Variants in PLCL1 observed in about 807,000 individuals in gnomAD.
PLCL1 encodes inactive phospholipase C-like protein 1.
PLCL1 carries 41 observed loss-of-function variants against 84.4 expected under a neutral mutation model. The ratio of observed to expected loss-of-function variants is 0.49; its 90% CI spans 0.38 to 0.63. PLCL1 has a LOEUF of 0.63. Ranked by LOEUF, PLCL1 falls within the 30% of genes least tolerant of loss-of-function variation. The pLI, the probability that PLCL1 is intolerant of heterozygous loss-of-function variation, is 0.00. For missense variants in PLCL1, 1,206 were observed against 1,367.8 expected, an observed-to-expected ratio of 0.88 and a Z score of 1.87; for synonymous variants, 490 against 488.3, an observed-to-expected ratio of 1.00 and a Z score of -0.05.
At chr2:197,851,739 TA>T (rs1687243259) in intron 1 of PLCL1, among the ~76,000 whole-genome samples, 1 of 152,210 alleles carries the variant, frequency 6.6e-6, no homozygotes, top group Non-Finnish European at 1.5e-5. Context: ...ATAGGCATGT[TA>T]GAGGAGACCA....
intron 1 of PLCL1, among the ~76,000 whole-genome samples, chr2:197,894,899 G>A (rs1464420981): frequency 1.3e-5 from 2 of 151,868 alleles, no homozygotes; most frequent in Non-Finnish European, 1.5e-5. Flanking sequence ...GCACATGGCT[G>A]GCAGCACCAC....
intron 1 of PLCL1, among the ~76,000 whole-genome samples, chr2:198,017,709 T>C (rs763694545): frequency 6.6e-6 from 1 of 152,262 alleles, no homozygotes; most frequent in Non-Finnish European, 1.5e-5. Context: ...TTCTTAATGC[T>C]TTAGTAATAA....
intron 1 of PLCL1, among the ~76,000 whole-genome samples, chr2:197,867,605 T>G (rs1368146992): frequency 6.6e-6 from 1 of 152,156 alleles, no homozygotes. Context: ...AATGAGAACT[T>G]TCATATGCTA....
chr2:197,990,063 T>C (rs747248953), intron 1 of PLCL1, among the ~76,000 whole-genome samples: 1 of 152,176 alleles, frequency 6.6e-6, no homozygotes, highest in African/African-American at 2.4e-5. Flanking sequence ...GAAGTCACCT[T>C]ATATTGGAGT....
chr2:197,855,150 C>T (rs1423695043), intron 1 of PLCL1, among the ~76,000 whole-genome samples: 8 of 152,178 alleles, frequency 5.3e-5, no homozygotes, highest in Non-Finnish European at 1.2e-4. Flanking sequence ...TTTTGTTAAA[C>T]TGAGAGGTGG....
In PLCL1 at chr2:197,822,621, C is replaced by G. The variant is rs552129136; in HGVS notation, c.240+17282C>G. On this transcript the variant is annotated intron_variant, in intron 1 of 5. Transcript: ENST00000428675. The stretch of plus-strand genomic sequence containing the variant: ...GAAGTAGGGACTGTCTACCCCATTT[C>G]ATGGATGAGGAAGTTGCAGCACAGA... Among the ~76,000 whole-genome samples the G allele has an allele frequency of 1.2e-3, 178 of 152,284 alleles. 1 individual carries two copies. Among genetic ancestry groups the G allele is most frequent in the Admixed American group, 2.0e-3 (30 of 15,290 alleles).
chr2:197,933,890 T>G (rs563513352), intron 1 of PLCL1, among the ~76,000 whole-genome samples: 2 of 152,324 alleles, frequency 1.3e-5, no homozygotes, highest in South Asian at 4.1e-4. Context: ...ATATATTTTT[T>G]GGGTACAGTA....
At chr2:197,861,580 T>C (rs1005881397) in intron 1 of PLCL1, among the ~76,000 whole-genome samples, 9 of 152,178 alleles carry the variant, frequency 5.9e-5, no homozygotes, top group Non-Finnish European at 1.2e-4. Flanking sequence ...TAAAATAACC[T>C]GGAATTTGCA....
chr2:197,937,778 A>T (rs1456571492), intron 1 of PLCL1, among the ~76,000 whole-genome samples: 3 of 152,238 alleles, frequency 2.0e-5, no homozygotes. Flanking sequence ...CAGGTGCTTT[A>T]CAAAAGGATT....
chr2:198,041,524 G>A (rs1691663746), intron 1 of PLCL1, among the ~76,000 whole-genome samples: 1 of 152,068 alleles, frequency 6.6e-6, no homozygotes, highest in South Asian at 2.1e-4. Flanking sequence ...AAGGAACTGA[G>A]GCATACAAAT....
intron 1 of PLCL1, among the ~76,000 whole-genome samples, chr2:197,972,622 C>T (rs1028029932): frequency 4.6e-5 from 7 of 152,190 alleles, no homozygotes; most frequent in African/African-American, 1.7e-4. Context: ...TGCTGGAGAT[C>T]TTCAGCAAGC....
intron 1 of PLCL1, among the ~76,000 whole-genome samples, chr2:197,979,113 T>C (rs1048577765): frequency 6.6e-6 from 1 of 152,222 alleles, no homozygotes; most frequent in Non-Finnish European, 1.5e-5. Context: ...TAGACTTTTT[T>C]CCATTTTCCT....
At chr2:197,836,368 A>G (rs1210644705) in intron 1 of PLCL1, among the ~76,000 whole-genome samples, 1 of 136,212 alleles carries the variant, frequency 7.3e-6, no homozygotes, top group Non-Finnish European at 1.6e-5. Context: ...AATGGCGTGA[A>G]CCCGGGAGGC....
chr2:197,871,670 A>G (rs1559031169), intron 1 of PLCL1, among the ~76,000 whole-genome samples: 1 of 152,114 alleles, frequency 6.6e-6, no homozygotes, highest in South Asian at 2.1e-4. Context: ...AATCCTTGGC[A>G]TTCCTTGGCT....
intron 1 of PLCL1, among the ~76,000 whole-genome samples, chr2:197,838,219 A>G (rs554672485): frequency 3.9e-5 from 6 of 152,284 alleles, no homozygotes; most frequent in Admixed American, 1.3e-4. Context: ...TTAGAGTTTC[A>G]GTTTCCCTTT....
rs140801614 is a variant in PLCL1 at position 198,052,414 on chromosome 2, T to C, written c.241-31344T>C. ...TGGGGTATAATGTAAAATTTATGCA[T>C]TTTTAAAAAGCAAGAGATAGCTTAA... On this transcript the variant is annotated intron_variant, in intron 1 of 5. Coordinates refer to ENST00000428675, the MANE Select transcript of PLCL1 (RefSeq NM_006226.4). Among the ~76,000 whole-genome samples the C allele has an allele frequency of 1.3e-3, 192 of 152,322 alleles. 2 individuals are homozygous for C. The highest frequency in any genetic ancestry group is 4.3e-3 in the African/African-American group (178 of 41,572).
intron 1 of PLCL1, among the ~76,000 whole-genome samples, chr2:198,006,470 GT>G (rs1690731109): frequency 1.3e-5 from 2 of 152,166 alleles, no homozygotes; most frequent in Admixed American, 6.5e-5. Context: ...CCCTACCAGA[GT>G]GGAATTTTCC....
chr2:197,968,566 A>G (rs1689795139), intron 1 of PLCL1, among the ~76,000 whole-genome samples: 1 of 152,224 alleles, frequency 6.6e-6, no homozygotes, highest in African/African-American at 2.4e-5. Context: ...CTTTCTTTGC[A>G]TTGAAGGGCT....
chr2:198,097,124 T>C (rs1693218192), intron 3 of PLCL1, among the ~76,000 whole-genome samples: 1 of 152,148 alleles, frequency 6.6e-6, no homozygotes, highest in Non-Finnish European at 1.5e-5. Context: ...TGTATAGTAA[T>C]AGAACCTAAA....
Sources: gnomAD v4.1 joint callset for allele counts (sites outside exome capture counted in the v4.1 genomes callset) on GRCh38, gnomAD v4.1.1 for gene constraint, MANE v1.5 for transcripts, NCBI Gene and HGNC (gene_info 2026-07-23, HGNC 2026-07-21) for gene names.